CNOT1: variants seen among roughly 807,000 people sequenced by gnomAD.
CNOT1 encodes CCR4-associated factor 1.
CNOT1 carries 15 observed loss-of-function variants against 273.8 expected under a neutral mutation model. The ratio of observed to expected loss-of-function variants is 0.05; its 90% CI spans 0.04 to 0.08. CNOT1 has a LOEUF of 0.08. Among genes scored for constraint, CNOT1 ranks in the 10% least tolerant of loss-of-function variants. The pLI is 1.00. For missense variants in CNOT1, 1,644 were observed against 2,912.2 expected (o/e 0.56, Z 10.02); for synonymous variants, 1,022 against 1,005.5 (o/e 1.02, Z -0.31).
chr16:58,609,405 A>C (rs961904584), intron 1 of CNOT1, among the ~76,000 whole-genome samples: 1 of 152,054 alleles, frequency 6.6e-6, no homozygotes, highest in Non-Finnish European at 1.5e-5. Flanking sequence ...AACAAACAAA[A>C]AAACAAAACT....
At chr16:58,562,716 G>A (rs1056090026) in intron 16 of CNOT1, among the ~76,000 whole-genome samples, 10 of 151,758 alleles carry the variant, frequency 6.6e-5, no homozygotes, top group African/African-American at 1.2e-4. Context: ...CCAGCTACTC[G>A]GGAGGCTGAG....
chr16:58,523,215 A>C (rs555422785), intron 47 of CNOT1, 155 bp downstream of exon 47: 14 of 685,516 alleles, frequency 2.0e-5, no homozygotes, highest in South Asian at 2.0e-4. Flanking sequence ...ACTGTACTGC[A>C]GACTGAGTGA....
intron 46 of CNOT1, 155 bp from the exon 47 acceptor site, chr16:58,523,657 C>T: frequency 1.8e-6 from 1 of 556,528 alleles, no homozygotes; most frequent in Non-Finnish European, 3.1e-6. Context: ...GTTCTCATTT[C>T]TGTGCGTTTT....
At position 58,528,497 on chromosome 16, in the gene CNOT1, T is replaced by A; in HGVS notation, c.6431A>T (p.Asp2144Val). 1 of 1,613,546 alleles carries A rather than the reference T, an allele frequency of 6.2e-7. No homozygotes were observed. The highest frequency in any genetic ancestry group is 8.5e-7 in the Non-Finnish European group (1 of 1,179,572). Residue 2144 changes from aspartate to valine, a missense_variant, in exon 44 of 49, where the codon GAC becomes GTC. Asp to Val is a radical substitution (Grantham distance 152). This residue lies in a region of CNOT1 where 140 missense variants were observed against 324.6 expected (regional missense o/e 0.43). Coordinates refer to ENST00000317147, the MANE Select transcript of CNOT1 (RefSeq NM_016284.5). ...TACCTTTAGATTAGGAGTGAATGGGTCGGGGAGCCTCATGTTTCTTGGAAA... is the reference window on the plus strand; with the variant it reads ...TACCTTTAGATTAGGAGTGAATGGGACGGGGAGCCTCATGTTTCTTGGAAA... ...SAFPRNMRLP[D>V]PFTPNLKVDM...
At chr16:58,530,044 TGTAGTATCTTCTACA>T (rs2039730149) in intron 43 of CNOT1, among the ~76,000 whole-genome samples, 187 bp downstream of exon 43, 1 of 152,140 alleles carries the variant, frequency 6.6e-6, no homozygotes, top group African/African-American at 2.4e-5. Context: ...TTTGTAAAAC[TGTAGTATCTTCTACA>T]GTTGAACATA....
In CNOT1 at chr16:58,543,394, G is replaced by A. The variant is rs150713854; in HGVS notation, c.4434+213C>T. The A allele has an allele frequency of 2.9e-5, 44 of 1,514,330 alleles. No individual in the cohort carries two copies. In the East Asian group the frequency reaches 3.5e-4, roughly 12 times the overall value. 93.8% of individuals were successfully genotyped at this position (1,514,330 alleles called of 1,614,324 possible). A position where few individuals can be genotyped will look rare whatever the true frequency, so the allele number is the denominator to read the frequency against. On this transcript the variant is annotated intron_variant, in intron 31 of 48. Transcript: ENST00000317147. ...GGGTATCTACTATCTGTCAAACATC[G>A]TGTTGAGAATATAACAGAAAAAAAA...
chr16:58,579,758 G>T (rs1287184468), intron 12 of CNOT1, among the ~76,000 whole-genome samples: 2 of 152,166 alleles, frequency 1.3e-5, no homozygotes, highest in Non-Finnish European at 2.9e-5. Flanking sequence ...CTTCAAAAAT[G>T]ATCAAAGTAC....
rs145644324 is a variant in CNOT1 at position 58,536,925 on chromosome 16, A to G, written c.5646+64T>C. On this transcript the variant is annotated intron_variant, in intron 39 of 48. Coordinates refer to ENST00000317147, the MANE Select transcript of CNOT1 (RefSeq NM_016284.5). ...CACATGTACGCAATACTGAGCTTTA[A>G]TATTGGAGGCATCACACCCTACTTA... 1.8e-5 allele frequency: 29 copies of G among 1,582,900 alleles called. No individual in the cohort carries two copies. In the Middle Eastern group the frequency reaches 5.1e-4, roughly 28 times the overall value.
chr16:58,574,982 A>C (rs766046448), intron 15 of CNOT1, 25 bp downstream of exon 15: 2 of 1,607,830 alleles, frequency 1.2e-6, no homozygotes, highest in Non-Finnish European at 1.7e-6. Context: ...TTAAGAGCAA[A>C]AATAAATGAA....
chr16:58,586,681 T>A lies in CNOT1; in HGVS notation c.501A>T (p.Gly167=). ...LRSYIDADVS[G]NQEGGFQDIA... ...TATCTTGGAAGCCACCTTCTTGATT[T>A]CCACTGACGTCTGCGTCAATGTAAG... Residue 167 remains glycine (G), a synonymous_variant, in exon 7 of 49, where the codon GGA becomes GGT. Transcript: ENST00000317147. The A allele has an allele frequency of 6.2e-7, 1 of 1,613,426 alleles. No individual in the cohort carries two copies. Among genetic ancestry groups the A allele is most frequent in the Non-Finnish European group, 8.5e-7 (1 of 1,179,926 alleles).
rs1405108476 is a variant in CNOT1 at position 58,546,366 on chromosome 16, T to C, written c.3961A>G (p.Lys1321Glu). ...AGTTCTTCTGGCTGCTTGACATCTTTCTTTGGAGCAGAGAGTTGCTCATCT... is the reference window on the plus strand; with the variant it reads ...AGTTCTTCTGGCTGCTTGACATCTTCCTTTGGAGCAGAGAGTTGCTCATCT... ...NLDEQLSAPK[K>E]DVKQPEELPP... is the part of the protein sequence containing the mutation. The change falls in exon 29 of 49, where the codon AAA (lysine) becomes GAA (glutamate). Residue 1321 changes from lysine (K) to glutamate (E), a missense_variant. Physicochemically the swap from Lys to Glu is moderately conservative, Grantham distance 56. Coordinates refer to ENST00000317147, the MANE Select transcript of CNOT1 (RefSeq NM_016284.5). 2 of 1,614,002 alleles carry C rather than the reference T, an allele frequency of 1.2e-6. No homozygotes were observed. Among genetic ancestry groups the C allele is most frequent in the Non-Finnish European group, 1.7e-6 (2 of 1,179,928 alleles).
intron 40 of CNOT1, among the ~76,000 whole-genome samples, chr16:58,533,841 C>G (rs923017984): frequency 6.6e-6 from 1 of 151,972 alleles, no homozygotes; most frequent in Admixed American, 6.6e-5. Flanking sequence ...AAAGAAACCA[C>G]TGATGTGGCC....
In CNOT1 at chr16:58,583,157, C is replaced by T. The variant is rs754812675; in HGVS notation, c.832G>A (p.Val278Met). ...GTGACCTCCCGAACACCAAACTGCACGATTATATTGCGACATTCTTCAATA... is the reference window on the plus strand; with the variant it reads ...GTGACCTCCCGAACACCAAACTGCATGATTATATTGCGACATTCTTCAATA... ...ASIEECRNII[V>M]QFGVREVTAA... The change falls in exon 9 of 49, where the codon GTG (valine) becomes ATG (methionine). Residue 278 changes from valine to methionine, a missense_variant. Transcript: ENST00000317147. The T allele has an allele frequency of 1.8e-5, 29 of 1,613,720 alleles. No homozygotes were observed. The highest frequency in any genetic ancestry group is 1.1e-4 in the East Asian group (5 of 44,888).
intron 25 of CNOT1, among the ~76,000 whole-genome samples, chr16:58,548,068 G>A (rs962246463): frequency 2.6e-5 from 4 of 152,136 alleles, no homozygotes; most frequent in African/African-American, 9.7e-5. Flanking sequence ...TAATTTAAAT[G>A]AGGATGATAG....
At chr16:58,559,989 A>G in intron 17 of CNOT1, 1 of 1,294,102 alleles carries the variant, frequency 7.7e-7, no homozygotes, top group Non-Finnish European at 1.1e-6. Flanking sequence ...CATTTACCTA[A>G]ATAAATTGTC....
chr16:58,578,223 G>C (rs2041529254), intron 13 of CNOT1, among the ~76,000 whole-genome samples: 1 of 152,076 alleles, frequency 6.6e-6, no homozygotes, highest in African/African-American at 2.4e-5. Flanking sequence ...GGAGGCCGAG[G>C]TGGGTGGATC....
intron 16 of CNOT1, among the ~76,000 whole-genome samples, chr16:58,571,793 C>A (rs545240152): frequency 2.0e-5 from 3 of 152,084 alleles, no homozygotes; most frequent in Admixed American, 1.3e-4. Flanking sequence ...GCCAGGCCAA[C>A]ATGGTGAAAT....
intron 13 of CNOT1, among the ~76,000 whole-genome samples, chr16:58,577,641 T>G (rs2041504685): frequency 6.6e-6 from 1 of 151,996 alleles, no homozygotes; most frequent in Admixed American, 6.6e-5. Context: ...ATGTAGGATA[T>G]TAGCTTGGGA....
intron 47 of CNOT1, among the ~76,000 whole-genome samples, chr16:58,522,403 G>A (rs2039426860): frequency 6.6e-6 from 1 of 152,088 alleles, no homozygotes; most frequent in Non-Finnish European, 1.5e-5. Flanking sequence ...GAGACTTACT[G>A]CAGCTTTATA....
Sources: gnomAD v4.1 joint callset for allele counts (sites outside exome capture counted in the v4.1 genomes callset) on GRCh38, gnomAD v4.1.1 for gene constraint, gnomAD v4.1.1 regional missense constraint, MANE v1.5 for transcripts, NCBI Gene and HGNC (gene_info 2026-07-23, HGNC 2026-07-21) for gene names.